The following FBN2 variants were observed in gnomAD, a reference collection of about 807,000 sequenced individuals.
FBN2 encodes fibrillin-2.
A neutral mutation model predicts 355.6 loss-of-function variants in FBN2; 105 were observed. That is an observed-to-expected ratio of 0.30 (90% CI 0.25 to 0.35). FBN2 has a LOEUF of 0.35. FBN2 is among the 10% of genes least tolerant of loss of function. The pLI, the probability that FBN2 is intolerant of heterozygous loss-of-function variation, is 1.00. For synonymous variants in FBN2, 1,350 were observed against 1,301.2 expected (o/e 1.04, Z -0.81); for missense variants, 3,280 against 3,758.7 (o/e 0.87, Z 3.33).
chr5:128,267,288 G>C (rs749037424), intron 62 of FBN2, among the ~76,000 whole-genome samples: 2 of 152,296 alleles, frequency 1.3e-5, no homozygotes, highest in Admixed American at 6.5e-5. Context: ...ACATACGTGT[G>C]CATGTGTCTT....
chr5:128,291,958 T>C (rs1434216872), intron 48 of FBN2, among the ~76,000 whole-genome samples: 1 of 152,098 alleles, frequency 6.6e-6, no homozygotes, highest in East Asian at 1.9e-4. Flanking sequence ...GCAGGCTCCA[T>C]GTGGCCAAAT....
intron 25 of FBN2, among the ~76,000 whole-genome samples, chr5:128,340,896 T>C (rs920711072): frequency 6.6e-6 from 1 of 152,016 alleles, no homozygotes; most frequent in African/African-American, 2.4e-5. Flanking sequence ...GGCTTTTGAA[T>C]TGGTTCTTGA....
At chr5:128,266,823 T>C (rs1273253073) in intron 62 of FBN2, among the ~76,000 whole-genome samples, 1 of 150,776 alleles carries the variant, frequency 6.6e-6, no homozygotes, top group Non-Finnish European at 1.5e-5. Flanking sequence ...ATAAAATTGT[T>C]TTATATTATT....
chr5:128,506,500 G>C (rs1427706671), intron 5 of FBN2, among the ~76,000 whole-genome samples: 3 of 152,100 alleles, frequency 2.0e-5, no homozygotes, highest in Non-Finnish European at 4.4e-5. Flanking sequence ...ACTGCCATTA[G>C]TTTGTATCCT....
intron 56 of FBN2, among the ~76,000 whole-genome samples, chr5:128,279,312 T>C (rs1257690687): frequency 6.6e-6 from 1 of 152,050 alleles, no homozygotes; most frequent in Non-Finnish European, 1.5e-5. Flanking sequence ...TTTATAAAAA[T>C]ATAAATAAAA....
At chr5:128,514,422 T>C (rs957444838) in intron 5 of FBN2, among the ~76,000 whole-genome samples, 1 of 152,166 alleles carries the variant, frequency 6.6e-6, no homozygotes, top group African/African-American at 2.4e-5. Context: ...CTGTGTCTTA[T>C]TGCATCCTCA....
intron 5 of FBN2, among the ~76,000 whole-genome samples, chr5:128,517,622 T>C (rs1008774079): frequency 6.6e-6 from 1 of 152,200 alleles, no homozygotes; most frequent in Non-Finnish European, 1.5e-5. Flanking sequence ...TCCAAATGTA[T>C]GTGAAAAAGA....
chr5:128,524,722 C>T (rs965695306), intron 4 of FBN2, among the ~76,000 whole-genome samples: 3 of 152,152 alleles, frequency 2.0e-5, no homozygotes, highest in Admixed American at 6.5e-5. Context: ...ATTCCTTGAG[C>T]TGGTAATCTA....
In FBN2 at chr5:128,318,166, G is replaced by A. The variant is rs1750263451; in HGVS notation, c.4700C>T (p.Thr1567Ile). Residue 1567 changes from threonine (T) to isoleucine (I), a missense_variant, in exon 36 of 65, where the codon ACT (threonine) becomes ATT (isoleucine). This residue lies in a region of FBN2 where 2,284 missense variants were observed against 2,749.5 expected (regional missense o/e 0.83). Transcript: ENST00000262464. ...TTACTTACCAACACAACCCACACCA[G>A]TTGGGTTCAACTGAAAATCGGGTGG... ...NCPPDFQLNP[T>I]GVGCVDNRVG... The A allele has an allele frequency of 2.5e-6, 4 of 1,613,908 alleles. No homozygotes were observed. The highest frequency in any genetic ancestry group is 1.1e-5 in the South Asian group (1 of 91,088).
chr5:128,485,684 G>A (rs1003206917), intron 5 of FBN2, among the ~76,000 whole-genome samples: 16 of 152,232 alleles, frequency 1.1e-4, no homozygotes, highest in Admixed American at 3.3e-4. Context: ...GAGTTCATGA[G>A]GGCGGTTACA....
At position 128,376,732 on chromosome 5, in the gene FBN2, A is replaced by G. The variant is rs757938600; in HGVS notation, c.1971T>C (p.Thr657=). The change falls in exon 14 of 65, where the codon ACT becomes ACC. Residue 657 remains threonine, a splice_region_variant and synonymous_variant. Coordinates refer to ENST00000262464, the MANE Select transcript of FBN2 (RefSeq NM_001999.4). ...FVLAPNGRYC[T]DVDECQTPGI... is the part of the protein sequence containing the mutation. ...TTCCTATCTGAAAGCCACACATACC[A>G]GTACAGTAACGCCCATTTGGAGCCA... The G allele has an allele frequency of 2.5e-6, 4 of 1,613,704 alleles. No homozygotes were observed. The South Asian group carries it at 4.4e-5, about 18-fold the overall frequency.
chr5:128,409,610 TGC>T (rs1347432215), intron 7 of FBN2, among the ~76,000 whole-genome samples: 1 of 152,098 alleles, frequency 6.6e-6, no homozygotes, highest in Non-Finnish European at 1.5e-5. Flanking sequence ...GGGAGCTAAT[TGC>T]TAATACATTT....
intron 41 of FBN2, among the ~76,000 whole-genome samples, chr5:128,308,026 T>G (rs468229): frequency 0.79 from 120,443 of 151,990 alleles, 47,997 homozygotes; most frequent in East Asian, 0.93. Flanking sequence ...CTGGAAATCT[T>G]CAAATTATAA....
chr5:128,367,159 T>C (rs1449029622), intron 16 of FBN2, among the ~76,000 whole-genome samples: 1 of 152,186 alleles, frequency 6.6e-6, no homozygotes, highest in Non-Finnish European at 1.5e-5. Flanking sequence ...GATAGTCTCT[T>C]ACAAGTAAAA....
chr5:128,491,771 T>C (rs1233072046), intron 5 of FBN2, among the ~76,000 whole-genome samples: 2 of 152,228 alleles, frequency 1.3e-5, no homozygotes, highest in African/African-American at 2.4e-5. Context: ...CATATTAAAA[T>C]TGAATGGCCA....
At chr5:128,431,603 CT>C (rs1753629972) in intron 7 of FBN2, among the ~76,000 whole-genome samples, 1 of 152,126 alleles carries the variant, frequency 6.6e-6, no homozygotes, top group Non-Finnish European at 1.5e-5. Context: ...TAGCATATGA[CT>C]TTTTTGCCTT....
At chr5:128,352,763 A>T (rs1286025263) in intron 20 of FBN2, among the ~76,000 whole-genome samples, 1 of 152,210 alleles carries the variant, frequency 6.6e-6, no homozygotes, top group Non-Finnish European at 1.5e-5. Flanking sequence ...GATGTGGAAA[A>T]CACTTTACCA....
intron 8 of FBN2, among the ~76,000 whole-genome samples, chr5:128,401,554 G>T (rs1752798376): frequency 6.6e-6 from 1 of 152,098 alleles, no homozygotes; most frequent in African/African-American, 2.4e-5. Flanking sequence ...AGGCCGAGGT[G>T]GGTGGATCAC....
chr5:128,292,691 AG>A (rs1413539124), intron 48 of FBN2, among the ~76,000 whole-genome samples: 2 of 152,212 alleles, frequency 1.3e-5, no homozygotes, highest in Admixed American at 1.3e-4. Flanking sequence ...CTTCTGAGCC[AG>A]CCATTCTATG....
Sources: allele counts gnomAD v4.1 joint callset (sites outside exome capture counted in the v4.1 genomes callset), GRCh38; gene constraint gnomAD v4.1.1; regional missense constraint gnomAD v4.1.1; transcripts MANE v1.5; gene names NCBI Gene and HGNC (gene_info 2026-07-23, HGNC 2026-07-21).